Variants in ODAD2 observed in about 807,000 individuals in gnomAD.
ODAD2 encodes outer dynein arm-docking complex subunit 2.
Under a neutral mutation model 106.8 loss-of-function variants are expected in ODAD2, and 89 were observed. The observed-to-expected ratio is 0.83, with a 90% CI of 0.70 to 0.99. The LOEUF (loss-of-function observed/expected upper bound fraction) is 0.99. Ranked by LOEUF, ODAD2 falls within the 50% of genes least tolerant of loss-of-function variation. The pLI is 0.00. For missense variants in ODAD2, 1,168 were observed against 1,238.5 expected (o/e 0.94, Z 0.85); for synonymous variants, 404 against 436.2 (o/e 0.93, Z 0.92).
chr10:27,998,268 A>G lies in ODAD2; in HGVS notation c.-39+726T>C, dbSNP rs575456422. On this transcript the variant is annotated intron_variant, in intron 1 of 19. Coordinates refer to ENST00000305242, the MANE Select transcript of ODAD2 (RefSeq NM_018076.5). ...CCGACAGAAAATCGAACTTTTAGAC[A>G]TGACATGAACAGGGCCCTAAGTAAA... Among the ~76,000 whole-genome samples the G allele has an allele frequency of 4.6e-5, 7 of 152,330 alleles. No homozygotes were observed. In the South Asian group the frequency reaches 1.5e-3, roughly 32 times the overall value.
Position 27,958,933 on chromosome 10 carries a change from T to C in ODAD2, c.1386+2635A>G, listed in dbSNP as rs942465100. The C allele has an allele frequency of 2.6e-5, 34 of 1,303,874 alleles. No individual in the cohort carries two copies. The Admixed American group carries it at 2.8e-4, about 11-fold the overall frequency. 80.8% of individuals were successfully genotyped at this position (1,303,874 alleles called of 1,614,324 possible). A position where few individuals can be genotyped will look rare whatever the true frequency, so the allele number is the denominator to read the frequency against. Reference sequence around the variant, plus strand: ...ATTACTCTGGTATTCTGCTTCCTGATCCATCTTTTGTTTCTGCCATTTTGA... The same window carrying C: ...ATTACTCTGGTATTCTGCTTCCTGACCCATCTTTTGTTTCTGCCATTTTGA... On this transcript the variant is annotated intron_variant, in intron 10 of 19. Coordinates refer to ENST00000305242, the MANE Select transcript of ODAD2 (RefSeq NM_018076.5).
chr10:27,858,403 CA>C lies in ODAD2; in HGVS notation c.3021+2221del, dbSNP rs1395000986. On this transcript the variant is annotated intron_variant, in intron 19 of 19. Transcript: ENST00000305242. The stretch of plus-strand genomic sequence containing the variant: ...CTCTATGTTATTGCAGAGTAATTTA[CA>C]AAAAAGTACCCTGTTCTTTACAGTT... Among the ~76,000 whole-genome samples the C allele has an allele frequency of 2.6e-5, 4 of 152,088 alleles. No individual in the cohort carries two copies. The East Asian group carries it at 7.7e-4, about 29-fold the overall frequency.
chr10:27,973,923 TC>T (rs141463220), intron 7 of ODAD2, among the ~76,000 whole-genome samples: 1,661 of 152,350 alleles, frequency 0.011, 17 homozygotes, highest in South Asian at 0.028. Flanking sequence ...TCCCTTTTTT[TC>T]TGCAACTTCA....
intron 3 of ODAD2, among the ~76,000 whole-genome samples, chr10:27,985,634 G>C (rs932095381): frequency 6.6e-6 from 1 of 152,040 alleles, no homozygotes; most frequent in African/African-American, 2.4e-5. Flanking sequence ...AGCAGTGCTG[G>C]GTATTTATAA....
intron 16 of ODAD2, among the ~76,000 whole-genome samples, chr10:27,931,732 T>C (rs192447679): frequency 4.1e-5 from 6 of 148,060 alleles, no homozygotes; most frequent in Non-Finnish European, 7.4e-5. Flanking sequence ...AATGATAACA[T>C]TTAGAAGGAA....
rs188744290 is a variant in ODAD2 at position 27,815,200 on chromosome 10, T to C, written c.3022-2575A>G. Among the ~76,000 whole-genome samples, 256 of 152,322 alleles carry C rather than the reference T, an allele frequency of 1.7e-3. 2 individuals carry two copies. Among genetic ancestry groups the C allele is most frequent in the Non-Finnish European group, 3.0e-3 (201 of 68,022 alleles). Reference sequence around the variant, plus strand: ...ATCCAAGGCCCACCATCCACTTGTATTCTTCATTCATTCTTCTTCTTAGGA... The same window carrying C: ...ATCCAAGGCCCACCATCCACTTGTACTCTTCATTCATTCTTCTTCTTAGGA... On this transcript the variant is annotated intron_variant, in intron 19 of 19. Transcript: ENST00000305242.
intron 19 of ODAD2, among the ~76,000 whole-genome samples, chr10:27,826,575 C>A (rs1286215446): frequency 2.0e-5 from 3 of 152,108 alleles, no homozygotes; most frequent in African/African-American, 7.2e-5. Context: ...TGCCACCACA[C>A]GCACAGATTC....
At chr10:27,940,449 T>C (rs577796040) in intron 13 of ODAD2, 114 bp downstream of exon 13, 22 of 1,285,218 alleles carry the variant, frequency 1.7e-5, no homozygotes, top group Admixed American at 1.2e-4. Context: ...TCTCATAGAA[T>C]GCTGACTTCT....
intron 17 of ODAD2, among the ~76,000 whole-genome samples, chr10:27,862,910 CAA>C (rs1370601528): frequency 1.3e-5 from 2 of 151,996 alleles, no homozygotes; most frequent in African/African-American, 4.8e-5. Flanking sequence ...CTGAGGATAT[CAA>C]AGTTATTAAA....
chr10:27,856,733 G>T (rs1048576446), intron 19 of ODAD2, among the ~76,000 whole-genome samples: 1 of 152,078 alleles, frequency 6.6e-6, no homozygotes, highest in Admixed American at 6.6e-5. Context: ...TACAAAGGCC[G>T]AGGTGGGTGG....
chr10:27,950,322 G>A (rs1030169435), intron 10 of ODAD2, among the ~76,000 whole-genome samples: 8 of 152,242 alleles, frequency 5.3e-5, no homozygotes, highest in Non-Finnish European at 8.8e-5. Context: ...AGTGAGTGGT[G>A]TATAACCACG....
At chr10:27,967,601 A>G (rs1011542724) in intron 9 of ODAD2, among the ~76,000 whole-genome samples, 3 of 151,650 alleles carry the variant, frequency 2.0e-5, no homozygotes, top group Non-Finnish European at 4.4e-5. Flanking sequence ...TCTAAAATAA[A>G]AGATTTAGGC....
intron 1 of ODAD2, among the ~76,000 whole-genome samples, chr10:27,996,193 A>G (rs1195584593): frequency 2.0e-5 from 3 of 152,228 alleles, no homozygotes; most frequent in African/African-American, 7.2e-5. Flanking sequence ...ACTTATTGAT[A>G]AAATCTTTCT....
chr10:27,926,185 A>C (rs1845249808), intron 16 of ODAD2, among the ~76,000 whole-genome samples: 1 of 152,152 alleles, frequency 6.6e-6, no homozygotes, highest in Non-Finnish European at 1.5e-5. Context: ...ATATAAATTA[A>C]TGATGGTAAC....
At chr10:27,944,530 T>A (rs1052123119) in intron 11 of ODAD2, 99 bp from the exon 12 acceptor site, 4 of 1,123,206 alleles carry the variant, frequency 3.6e-6, no homozygotes, top group Non-Finnish European at 5.1e-6. Flanking sequence ...TTAAGTTTTT[T>A]AAGAAATCAT....
chr10:27,852,175 TAA>T (rs1839307654), intron 19 of ODAD2, among the ~76,000 whole-genome samples: 2 of 152,204 alleles, frequency 1.3e-5, no homozygotes, highest in African/African-American at 2.4e-5. Context: ...CCAGGAAAGT[TAA>T]AAGTCTTCTA....
intron 17 of ODAD2, among the ~76,000 whole-genome samples, chr10:27,893,955 T>A (rs1464588614): frequency 6.6e-6 from 1 of 151,978 alleles, no homozygotes; most frequent in Non-Finnish European, 1.5e-5. Context: ...TTTGAGATCA[T>A]CCTGGGCAAC....
At chr10:27,864,846 C>T (rs1415353325) in intron 17 of ODAD2, among the ~76,000 whole-genome samples, 1 of 151,602 alleles carries the variant, frequency 6.6e-6, no homozygotes, top group Non-Finnish European at 1.5e-5. Flanking sequence ...TGGTACTACG[C>T]ACTTCACATA....
chr10:27,849,887 T>C (rs902736153), intron 19 of ODAD2, among the ~76,000 whole-genome samples: 1 of 152,210 alleles, frequency 6.6e-6, no homozygotes, highest in African/African-American at 2.4e-5. Flanking sequence ...TTGTGCATGA[T>C]TCTAATTTGT....
Sources: allele counts gnomAD v4.1 joint callset (sites outside exome capture counted in the v4.1 genomes callset), GRCh38; gene constraint gnomAD v4.1.1; transcripts MANE v1.5; gene names NCBI Gene and HGNC (gene_info 2026-07-23, HGNC 2026-07-21).